The following NPAS3 variants were observed in gnomAD, a reference collection of about 807,000 sequenced individuals.
NPAS3 encodes neuronal PAS domain protein 3, also known as neuronal PAS domain-containing protein 3.
In NPAS3, 14 loss-of-function variants were observed where a neutral mutation model predicts 73.1. The observed-to-expected ratio is 0.19, with a 90% CI of 0.13 to 0.30. The LOEUF (loss-of-function observed/expected upper bound fraction) is 0.30, where lower values mean the gene tolerates loss of function less well. NPAS3 is among the 10% of genes least tolerant of loss of function. The pLI, the probability that NPAS3 is intolerant of heterozygous loss-of-function variation, is 1.00. For missense variants in NPAS3, 1,096 were observed against 1,250.0 expected (o/e 0.88, Z 1.86); for synonymous variants, 620 against 541.5 (o/e 1.14, Z -2.01).
intron 3 of NPAS3, among the ~76,000 whole-genome samples, chr14:33,321,231 C>T (rs952658370): frequency 7.9e-5 from 12 of 151,958 alleles, no homozygotes; most frequent in Admixed American, 5.9e-4. Flanking sequence ...TTAATTAGTT[C>T]AAAATAACTT....
At chr14:33,427,807 T>G (rs2048618179) in intron 4 of NPAS3, among the ~76,000 whole-genome samples, 2 of 152,112 alleles carry the variant, frequency 1.3e-5, no homozygotes, top group African/African-American at 2.4e-5. Context: ...AATAAGTGAC[T>G]CTTTGCAGAT....
chr14:32,947,533 T>G (rs2036310489), intron 1 of NPAS3, among the ~76,000 whole-genome samples: 1 of 152,150 alleles, frequency 6.6e-6, no homozygotes, highest in East Asian at 1.9e-4. Context: ...TTTTTTTAAT[T>G]ATACAAGATT....
At chr14:33,539,616 GC>G (rs2054416903) in intron 4 of NPAS3, among the ~76,000 whole-genome samples, 1 of 152,098 alleles carries the variant, frequency 6.6e-6, no homozygotes, top group South Asian at 2.1e-4. Context: ...TTTACTTTCT[GC>G]CCATCCCCAA....
At chr14:33,506,428 T>C (rs547734185) in intron 4 of NPAS3, among the ~76,000 whole-genome samples, 2 of 152,196 alleles carry the variant, frequency 1.3e-5, no homozygotes, top group East Asian at 3.9e-4. Context: ...AATGGAAGGA[T>C]TAAAAGGAGA....
At chr14:33,577,957 C>T (rs538607580) in intron 5 of NPAS3, among the ~76,000 whole-genome samples, 1 of 152,322 alleles carries the variant, frequency 6.6e-6, no homozygotes, top group East Asian at 1.9e-4. Context: ...GTCTTAGTGG[C>T]CACATCTTTG....
chr14:33,553,931 C>T (rs1481480422), intron 4 of NPAS3, among the ~76,000 whole-genome samples: 3 of 152,184 alleles, frequency 2.0e-5, no homozygotes, highest in Non-Finnish European at 4.4e-5. Context: ...TATAGCATCA[C>T]TTCCTGAGTG....
chr14:33,498,933 A>AGTGTGT (rs1466938045), intron 4 of NPAS3, among the ~76,000 whole-genome samples: 30 of 76,986 alleles, frequency 3.9e-4, no homozygotes, highest in African/African-American at 7.1e-4. Context: ...AGACAGAGAG[A>AGTGTGT]GAGTGTGTGT....
intron 4 of NPAS3, among the ~76,000 whole-genome samples, chr14:33,419,461 C>T (rs17101062): frequency 0.1 from 15,759 of 151,780 alleles, 867 homozygotes; most frequent in South Asian, 0.17. Flanking sequence ...AGGAGGCCGA[C>T]TTCTTGAAAA....
At chr14:33,360,144 A>G (rs1453817994) in intron 3 of NPAS3, among the ~76,000 whole-genome samples, 1 of 152,228 alleles carries the variant, frequency 6.6e-6, no homozygotes, top group Non-Finnish European at 1.5e-5. Context: ...TTCCCAGCAG[A>G]GTGCCTGCCT....
chr14:33,647,248 C>T (rs1472833859), intron 5 of NPAS3, among the ~76,000 whole-genome samples: 2 of 151,806 alleles, frequency 1.3e-5, no homozygotes, highest in Non-Finnish European at 2.9e-5. Flanking sequence ...CATACACTTA[C>T]TCAGTTTATT....
At chr14:33,609,467 C>T (rs983703791) in intron 5 of NPAS3, among the ~76,000 whole-genome samples, 1 of 151,964 alleles carries the variant, frequency 6.6e-6, no homozygotes, top group African/African-American at 2.4e-5. Context: ...CCTTTTCAAC[C>T]CAAATGTATT....
intron 1 of NPAS3, among the ~76,000 whole-genome samples, chr14:33,055,416 A>G (rs2040854374): frequency 6.6e-6 from 1 of 152,186 alleles, no homozygotes; most frequent in South Asian, 2.1e-4. Flanking sequence ...GCATTCCTTT[A>G]TAAGTCCATA....
intron 8 of NPAS3, among the ~76,000 whole-genome samples, chr14:33,776,364 C>T (rs1197889303): frequency 6.6e-6 from 1 of 151,840 alleles, no homozygotes; most frequent in Non-Finnish European, 1.5e-5. Context: ...TACCAAACTT[C>T]CAATGATTGT....
intron 4 of NPAS3, among the ~76,000 whole-genome samples, chr14:33,447,176 G>A (rs1441417944): frequency 6.6e-6 from 1 of 152,238 alleles, no homozygotes; most frequent in Non-Finnish European, 1.5e-5. Flanking sequence ...ATCTTAGCTT[G>A]GTGGTAGAAG....
At chr14:33,292,467 T>A (rs243283) in intron 3 of NPAS3, among the ~76,000 whole-genome samples, 1 of 152,248 alleles carries the variant, frequency 6.6e-6, no homozygotes, top group East Asian at 1.9e-4. Context: ...ATTTCTTTAT[T>A]GTGAAAAAAT....
At position 33,434,528 on chromosome 14, in the gene NPAS3, A is replaced by AC. The variant is rs543243525; in HGVS notation, c.468+67260_468+67261insC. Among the ~76,000 whole-genome samples the AC allele has an allele frequency of 3.0e-3, 464 of 152,196 alleles. 6 individuals carry two copies. Among genetic ancestry groups the AC allele is most frequent in the African/African-American group, 0.011 (446 of 41,526 alleles). On this transcript the variant is annotated intron_variant, in intron 4 of 11. Coordinates refer to ENST00000356141, the Ensembl canonical transcript of NPAS3. Reference sequence around the variant, plus strand: ...GGTGACAGCAAGACCCCATCTCAAAAAAAAAAAAATCCATAGTTAACAATG... The same window carrying AC: ...GGTGACAGCAAGACCCCATCTCAAAACAAAAAAAAATCCATAGTTAACAATG...
chr14:33,687,329 G>A (rs961621014), intron 6 of NPAS3, among the ~76,000 whole-genome samples: 14 of 152,114 alleles, frequency 9.2e-5, no homozygotes, highest in South Asian at 2.1e-4. Flanking sequence ...GTTCAAAGCC[G>A]TTTCTTTACA....
At chr14:33,488,584 C>T (rs896622142) in intron 4 of NPAS3, among the ~76,000 whole-genome samples, 1 of 152,118 alleles carries the variant, frequency 6.6e-6, no homozygotes, top group African/African-American at 2.4e-5. Context: ...AATAACATTT[C>T]CCTGAATGAG....
chr14:33,609,700 G>A (rs900589842), intron 5 of NPAS3, among the ~76,000 whole-genome samples: 4 of 151,930 alleles, frequency 2.6e-5, no homozygotes, highest in Non-Finnish European at 5.9e-5. Flanking sequence ...TAGCCTTTGT[G>A]GGTCTCCTGT....
Sources: allele counts gnomAD v4.1 joint callset (sites outside exome capture counted in the v4.1 genomes callset), GRCh38; gene constraint gnomAD v4.1.1; transcripts MANE v1.5; gene names NCBI Gene and HGNC (gene_info 2026-07-23, HGNC 2026-07-21).